Variants in PCDHGC4 observed in about 807,000 individuals in gnomAD.
PCDHGC4 encodes protocadherin gamma-C4.
PCDHGC4 carries 15 observed loss-of-function variants against 59.7 expected under a neutral mutation model. The observed-to-expected ratio is 0.25, with a 90% CI of 0.17 to 0.39. PCDHGC4 has a LOEUF of 0.39. PCDHGC4 is among the 10% of genes least tolerant of loss of function. PCDHGC4 has a pLI of 1.00. For synonymous variants in PCDHGC4, 434 were observed against 481.4 expected, an observed-to-expected ratio of 0.90 and a Z score of 1.29; for missense variants, 1,016 against 1,189.5, an observed-to-expected ratio of 0.85 and a Z score of 2.15.
chr5:141,503,209 C>T (rs963237902), intron 2 of PCDHGC4, among the ~76,000 whole-genome samples: 3 of 152,020 alleles, frequency 2.0e-5, no homozygotes, highest in African/African-American at 7.3e-5. Context: ...TCTCAGTGCC[C>T]ACCATGAGCA....
At chr5:141,497,092 G>C (rs2099773958) in intron 2 of PCDHGC4, among the ~76,000 whole-genome samples, 1 of 152,092 alleles carries the variant, frequency 6.6e-6, no homozygotes, top group Admixed American at 6.5e-5. Flanking sequence ...AGGAGGCTGA[G>C]GCAGAACTGC....
rs2099623857 is a variant in PCDHGC4, at chr5:141,486,060, A to ACC, written c.890_891dup (p.Thr298ProfsTer12). On this transcript the variant is annotated frameshift_variant, in exon 1 of 4. Transcript: ENST00000306593. LOFTEE classifies it high-confidence loss of function. This position sits in a 1 kb window ranked among gnomAD's most constrained non-coding sequence, Gnocchi z 5.0. Reference sequence around the variant, plus strand: ...CGTGTAAGAAACCTCTTTAGCCTGCACCCCACTACTGGAAAGCTTACTCTT... The same window carrying ACC: ...CGTGTAAGAAACCTCTTTAGCCTGCACCCCCCACTACTGGAAAGCTTACTCTT... The ACC allele has an allele frequency of 1.2e-6, 2 of 1,613,980 alleles. No homozygotes were observed. The highest frequency in any genetic ancestry group is 1.7e-6 in the Non-Finnish European group (2 of 1,179,980).
At chr5:141,495,652 T>C (rs1403816239) in intron 2 of PCDHGC4, among the ~76,000 whole-genome samples, 2 of 152,336 alleles carry the variant, frequency 1.3e-5, no homozygotes, top group Admixed American at 6.5e-5. Context: ...CTACTTGCAT[T>C]GATCTGTGCC....
At chr5:141,505,044 C>G (rs1446394128) in intron 2 of PCDHGC4, among the ~76,000 whole-genome samples, 3 of 152,156 alleles carry the variant, frequency 2.0e-5, no homozygotes, top group African/African-American at 7.2e-5. Context: ...TGCCTGTCAT[C>G]CCAGCTACTT....
rs1247556723 is a variant in PCDHGC4 at position 141,489,841 on chromosome 5, G to A, written c.2442+2226G>A. 6.2e-7 allele frequency: 1 copy of A among 1,614,224 alleles called. No individual in the cohort carries two copies. The highest frequency in any genetic ancestry group is 1.7e-5 in the Admixed American group (1 of 60,032). On this transcript the variant is annotated intron_variant, in intron 1 of 3. Coordinates refer to ENST00000306593, the MANE Select transcript of PCDHGC4 (RefSeq NM_018928.3). The surrounding 1 kb of genome is among the most constrained non-coding windows in gnomAD (Gnocchi z 4.5). Reference sequence around the variant, plus strand: ...AGAGCTGGTGCTAGAGCAGCAGCTGGATCGTGAAGCCCAGGCAAGACATCA... The same window carrying A: ...AGAGCTGGTGCTAGAGCAGCAGCTGAATCGTGAAGCCCAGGCAAGACATCA...
rs994878374 is a variant in PCDHGC4, at chr5:141,491,785, C to T, written c.2443-3022C>T. ...TCCTCATAAGGGATTGAACTTGCAT[C>T]CACTCCTCTCCGGCCGGCTTGGTCG... is the stretch of plus-strand genomic sequence containing the variant. On this transcript the variant is annotated intron_variant, in intron 1 of 3. Transcript: ENST00000306593. The surrounding 1 kb of genome is among the most constrained non-coding windows in gnomAD (Gnocchi z 6.9). 20 of 1,529,458 alleles carry T rather than the reference C, an allele frequency of 1.3e-5. No individual in the cohort carries two copies. Among genetic ancestry groups the T allele is most frequent in the Non-Finnish European group, 1.8e-5 (20 of 1,139,198 alleles). The allele number at this position is 1,529,458 out of a possible 1,614,324, so 94.7% of individuals were successfully genotyped here. A position where few individuals can be genotyped will look rare whatever the true frequency, so the allele number is the denominator to read the frequency against.
chr5:141,488,634 G>A (rs937680420), intron 1 of PCDHGC4, among the ~76,000 whole-genome samples: 4 of 152,150 alleles, frequency 2.6e-5, no homozygotes, highest in Non-Finnish European at 4.4e-5. Context: ...CACCTTAGCA[G>A]CATTCAGCAG....
intron 1 of PCDHGC4, chr5:141,492,079 G>A (rs1400390407): frequency 4.1e-6 from 2 of 486,168 alleles, no homozygotes; most frequent in African/African-American, 2.0e-5. Context: ...CGCCGGCTCC[G>A]GCACGCTTCG....
Position 141,485,890 on chromosome 5 carries a change from C to G in PCDHGC4, c.717C>G (p.Ala239=). 4 of 1,614,156 alleles carry G rather than the reference C, an allele frequency of 2.5e-6. No individual in the cohort carries two copies. Among genetic ancestry groups the G allele is most frequent in the Non-Finnish European group, 2.5e-6 (3 of 1,180,022 alleles). The stretch of plus-strand genomic sequence containing the variant: ...CCGTGCTGGACGTAAACGACAACGC[C>G]CCAGCCTTCCAGCAATCCAGCTACA... The part of the protein sequence containing the change: ...RVSVLDVNDN[A]PAFQQSSYRI... Residue 239 remains alanine, a synonymous_variant, in exon 1 of 4, where the codon GCC becomes GCG. Coordinates refer to ENST00000306593, the MANE Select transcript of PCDHGC4 (RefSeq NM_018928.3). The surrounding 1 kb of genome is among the most constrained non-coding windows in gnomAD (Gnocchi z 5.7).
chr5:141,503,212 C>G (rs1227936455), intron 2 of PCDHGC4, among the ~76,000 whole-genome samples: 1 of 152,074 alleles, frequency 6.6e-6, no homozygotes, highest in African/African-American at 2.4e-5. Flanking sequence ...CAGTGCCCAC[C>G]ATGAGCACCG....
chr5:141,491,583 C>G lies in PCDHGC4; in HGVS notation c.2443-3224C>G. On this transcript the variant is annotated intron_variant, in intron 1 of 3. Coordinates refer to ENST00000306593, the MANE Select transcript of PCDHGC4 (RefSeq NM_018928.3). This position sits in a 1 kb window ranked among gnomAD's most constrained non-coding sequence, Gnocchi z 6.9. ...GCTACAGGACGTGCTTTTCACCGGC[C>G]TCGGACGGCAGTGACTTCACTTTTC... is the stretch of plus-strand genomic sequence containing the variant. 1 of 1,613,964 alleles carries G rather than the reference C, an allele frequency of 6.2e-7. No individual in the cohort carries two copies. The highest frequency in any genetic ancestry group is 8.5e-7 in the Non-Finnish European group (1 of 1,180,046).
chr5:141,496,621 C>A (rs1297797187), intron 2 of PCDHGC4, among the ~76,000 whole-genome samples: 1 of 152,214 alleles, frequency 6.6e-6, no homozygotes. Context: ...AGCAGCAGAT[C>A]AAAAGGCTTG....
At chr5:141,502,978 G>T (rs1004984942) in intron 2 of PCDHGC4, among the ~76,000 whole-genome samples, 1 of 150,096 alleles carries the variant, frequency 6.7e-6, no homozygotes, top group Non-Finnish European at 1.5e-5. Context: ...CAAGTAGCTG[G>T]GATTACAGGC....
rs371139792 is a variant in PCDHGC4 at position 141,490,160 on chromosome 5, C to A, written c.2442+2545C>A. On this transcript the variant is annotated intron_variant, in intron 1 of 3. Transcript: ENST00000306593. This position sits in a 1 kb window ranked among gnomAD's most constrained non-coding sequence, Gnocchi z 5.4. The stretch of plus-strand genomic sequence containing the variant: ...AGTGGGGCAATCCATGTGTTGGGTC[C>A]CATAGACTTTGAGGAGTCACGTTTC... The A allele has an allele frequency of 5.6e-6, 9 of 1,614,192 alleles. No homozygotes were observed. The highest frequency in any genetic ancestry group is 7.6e-6 in the Non-Finnish European group (9 of 1,180,016).
At position 141,485,562 on chromosome 5, in the gene PCDHGC4, C is replaced by T. The variant is rs779890454; in HGVS notation, c.389C>T (p.Ala130Val). 2.5e-6 allele frequency: 4 copies of T among 1,612,910 alleles called. No homozygotes were observed. Among genetic ancestry groups the T allele is most frequent in the Admixed American group, 1.7e-5 (1 of 59,996 alleles). Residue 130 changes from alanine (A) to valine (V), a missense_variant, in exon 1 of 4, where the codon GCC (alanine) becomes GTC (valine). By Grantham distance (64) the Ala-to-Val change is moderately conservative. Transcript: ENST00000306593. The surrounding 1 kb of genome is among the most constrained non-coding windows in gnomAD (Gnocchi z 5.7). The part of the protein sequence containing the change: ...EVEIVDVNDH[A>V]PRFPRQQLDL... ...GAGATCGTAGATGTGAATGATCACG[C>T]CCCCCGTTTTCCGCGGCAGCAGCTG... is the stretch of plus-strand genomic sequence containing the variant.
intron 2 of PCDHGC4, among the ~76,000 whole-genome samples, chr5:141,498,555 C>T (rs2099784323): frequency 6.6e-6 from 1 of 152,032 alleles, no homozygotes; most frequent in South Asian, 2.1e-4. Flanking sequence ...GACACACCAG[C>T]TTCAAAGCAG....
At chr5:141,500,947 C>T (rs933082173) in intron 2 of PCDHGC4, among the ~76,000 whole-genome samples, 15 of 151,822 alleles carry the variant, frequency 9.9e-5, no homozygotes, top group African/African-American at 3.6e-4. Context: ...CGGCTCACTG[C>T]AAGCTCCACC....
chr5:141,492,398 C>T (rs1347317333), intron 1 of PCDHGC4, among the ~76,000 whole-genome samples: 2 of 152,244 alleles, frequency 1.3e-5, no homozygotes, highest in Non-Finnish European at 1.5e-5. Flanking sequence ...CCACTCGCAG[C>T]TCCCCTCTGC....
Position 141,490,772 on chromosome 5 carries a change from C to T in PCDHGC4, c.2442+3157C>T. ...GCCTCCTCCTTTGTGTATGTCAACC[C>T]AGAGGATGGACGGATCTTTGCCCAG... On this transcript the variant is annotated intron_variant, in intron 1 of 3. Coordinates refer to ENST00000306593, the MANE Select transcript of PCDHGC4 (RefSeq NM_018928.3). This position sits in a 1 kb window ranked among gnomAD's most constrained non-coding sequence, Gnocchi z 5.4. 6.2e-7 allele frequency: 1 copy of T among 1,614,164 alleles called. No homozygotes were observed. The highest frequency in any genetic ancestry group is 1.1e-5 in the South Asian group (1 of 91,082).
Sources: gnomAD v4.1 joint callset for allele counts (sites outside exome capture counted in the v4.1 genomes callset) on GRCh38, gnomAD v4.1.1 for gene constraint, Gnocchi (gnomAD v3.1) non-coding constraint, MANE v1.5 for transcripts, NCBI Gene and HGNC (gene_info 2026-07-23, HGNC 2026-07-21) for gene names.